The following PPFIA2 variants were observed in gnomAD, a reference collection of about 807,000 sequenced individuals.
PPFIA2 encodes liprin-alpha-2.
Under a neutral mutation model 175.5 loss-of-function variants are expected in PPFIA2, and 46 were observed. That is an observed-to-expected ratio of 0.26 (90% CI 0.21 to 0.34). The LOEUF (loss-of-function observed/expected upper bound fraction) is 0.34, where lower values mean the gene tolerates loss of function less well. PPFIA2 is among the 10% of genes least tolerant of loss of function. The probability of loss-of-function intolerance (pLI) is 1.00; values close to 1 mark genes in which losing one functional copy is unlikely to be tolerated. For missense variants in PPFIA2, 1,179 were observed against 1,506.1 expected, an observed-to-expected ratio of 0.78 and a Z score of 3.60; for synonymous variants, 568 against 511.4, an observed-to-expected ratio of 1.11 and a Z score of -1.49.
intron 4 of PPFIA2, among the ~76,000 whole-genome samples, chr12:81,554,148 A>G (rs995007585): frequency 2.0e-5 from 3 of 152,052 alleles, no homozygotes; most frequent in East Asian, 1.9e-4. Flanking sequence ...AGTAAAAATG[A>G]TAAGTCTGAA....
chr12:81,579,316 C>G (rs1216139780), intron 4 of PPFIA2, among the ~76,000 whole-genome samples: 1 of 151,746 alleles, frequency 6.6e-6, no homozygotes, highest in African/African-American at 2.4e-5. Context: ...TTGTTTTAAT[C>G]AAGCTCTAAT....
intron 9 of PPFIA2, among the ~76,000 whole-genome samples, chr12:81,383,047 G>A (rs1160440892): frequency 6.6e-6 from 1 of 152,106 alleles, no homozygotes; most frequent in Non-Finnish European, 1.5e-5. Flanking sequence ...TGGATCAAGT[G>A]CTTCAGAAGA....
chr12:81,410,177 A>G (rs2043676490), intron 7 of PPFIA2, among the ~76,000 whole-genome samples: 1 of 152,150 alleles, frequency 6.6e-6, no homozygotes. Flanking sequence ...TGTCTCCACA[A>G]CTGTGATACA....
intron 4 of PPFIA2, among the ~76,000 whole-genome samples, chr12:81,590,878 C>G (rs1373937378): frequency 6.6e-6 from 1 of 152,008 alleles, no homozygotes; most frequent in Admixed American, 6.6e-5. Context: ...TGAAAACGGA[C>G]TAATACAGTA....
intron 12 of PPFIA2, 49 bp from the exon 13 acceptor site, chr12:81,368,905 A>G: frequency 6.4e-7 from 1 of 1,565,006 alleles, no homozygotes; most frequent in Non-Finnish European, 8.7e-7. Flanking sequence ...ACTGTTTGAG[A>G]TTATTTTTAT....
intron 4 of PPFIA2, among the ~76,000 whole-genome samples, chr12:81,617,141 G>A (rs1048543677): frequency 6.6e-6 from 1 of 152,126 alleles, no homozygotes; most frequent in African/African-American, 2.4e-5. Context: ...AGGAAATAAT[G>A]TATGTAAAGC....
At chr12:81,407,909 C>T (rs1314845214) in intron 7 of PPFIA2, among the ~76,000 whole-genome samples, 1 of 152,140 alleles carries the variant, frequency 6.6e-6, no homozygotes, top group African/African-American at 2.4e-5. Flanking sequence ...ATTTATTTAG[C>T]TAGCACAAGT....
At position 81,484,342 on chromosome 12, in the gene PPFIA2, C is replaced by T. The variant is rs531237172; in HGVS notation, c.304-26476G>A. Reference sequence around the variant, plus strand: ...ATTACCTAGTGGGGAAAACAAAGCACGTAAATAGTTATATACAATGAGACA... The same window carrying T: ...ATTACCTAGTGGGGAAAACAAAGCATGTAAATAGTTATATACAATGAGACA... On this transcript the variant is annotated intron_variant, in intron 4 of 32. Coordinates refer to ENST00000549396, the MANE Select transcript of PPFIA2 (RefSeq NM_003625.5). Among the ~76,000 whole-genome samples, 12 of 151,762 alleles carry T rather than the reference C, an allele frequency of 7.9e-5. No homozygotes were observed. The East Asian group carries it at 1.7e-3, about 22-fold the overall frequency.
chr12:81,701,346 A>G (rs2076452966), intron 3 of PPFIA2, among the ~76,000 whole-genome samples: 1 of 152,158 alleles, frequency 6.6e-6, no homozygotes, highest in African/African-American at 2.4e-5. Context: ...GCTGGGGTCA[A>G]ACTGATTCAT....
intron 6 of PPFIA2, among the ~76,000 whole-genome samples, chr12:81,442,286 A>C (rs2145100611): frequency 6.6e-6 from 1 of 152,184 alleles, no homozygotes; most frequent in East Asian, 1.9e-4. Flanking sequence ...TTATGTTATA[A>C]ATTGAAAAAT....
At chr12:81,692,271 C>T (rs1200020619) in intron 3 of PPFIA2, among the ~76,000 whole-genome samples, 1 of 152,050 alleles carries the variant, frequency 6.6e-6, no homozygotes, top group African/African-American at 2.4e-5. Context: ...AGAAGTTGCT[C>T]CTCCCACAGT....
chr12:81,351,554 G>C (rs530283140), intron 17 of PPFIA2, among the ~76,000 whole-genome samples: 2 of 151,936 alleles, frequency 1.3e-5, no homozygotes, highest in South Asian at 4.2e-4. Flanking sequence ...AACTTCAAAC[G>C]CAAGTTTTAG....
In PPFIA2 at chr12:81,516,717, T is replaced by A. The variant is rs373526565; in HGVS notation, c.304-58851A>T. ...GAAGGAACTAACCCTGCAAACACCTTGATTTTAGACTTTTAGCATCCAGAC... is the reference window on the plus strand; with the variant it reads ...GAAGGAACTAACCCTGCAAACACCTAGATTTTAGACTTTTAGCATCCAGAC... On this transcript the variant is annotated intron_variant, in intron 4 of 32. Transcript: ENST00000549396. 1.7e-3 allele frequency among the ~76,000 whole-genome samples: 264 copies of A among 152,318 alleles called. 1 individual carries two copies. The highest frequency in any genetic ancestry group is 6.2e-3 in the African/African-American group (256 of 41,582).
intron 3 of PPFIA2, among the ~76,000 whole-genome samples, chr12:81,678,567 C>T (rs1392972166): frequency 6.6e-6 from 1 of 151,778 alleles, no homozygotes; most frequent in Admixed American, 6.6e-5. Context: ...AAATGGTCTC[C>T]TTTCTAATGG....
chr12:81,495,850 G>C (rs1341695750), intron 4 of PPFIA2, among the ~76,000 whole-genome samples: 1 of 151,906 alleles, frequency 6.6e-6, no homozygotes, highest in African/African-American at 2.4e-5. Context: ...ATATTATAAG[G>C]CTCCAATTTT....
At chr12:81,521,651 C>CAAAAAAAAAA (rs1167533871) in intron 4 of PPFIA2, among the ~76,000 whole-genome samples, 2 of 87,520 alleles carry the variant, frequency 2.3e-5, no homozygotes, top group Non-Finnish European at 5.0e-5. Flanking sequence ...TAATAAAATA[C>CAAAAAAAAAA]AAAAAAAAAA....
chr12:81,320,096 GA>G (rs1792040709), intron 22 of PPFIA2, among the ~76,000 whole-genome samples: 1 of 151,934 alleles, frequency 6.6e-6, no homozygotes, highest in Non-Finnish European at 1.5e-5. Flanking sequence ...TGTATTAAAT[GA>G]AAGAATATTG....
chr12:81,340,958 G>A (rs1303483940), intron 20 of PPFIA2, 120 bp downstream of exon 20: 8 of 1,082,456 alleles, frequency 7.4e-6, no homozygotes, highest in Non-Finnish European at 8.8e-6. Context: ...GGAAAGGGAA[G>A]CTGGAGAATT....
At chr12:81,590,344 C>T (rs2058528810) in intron 4 of PPFIA2, among the ~76,000 whole-genome samples, 1 of 152,084 alleles carries the variant, frequency 6.6e-6, no homozygotes, top group African/African-American at 2.4e-5. Context: ...TAGGTAGCAA[C>T]AAAATGACAG....
Sources: allele counts gnomAD v4.1 joint callset (sites outside exome capture counted in the v4.1 genomes callset), GRCh38; gene constraint gnomAD v4.1.1; transcripts MANE v1.5; gene names NCBI Gene and HGNC (gene_info 2026-07-23, HGNC 2026-07-21).